Variants in CNOT6L observed in about 807,000 individuals in gnomAD.
The protein encoded by CNOT6L is CCR4-NOT transcription complex subunit 6 like.
A neutral mutation model predicts 64.0 loss-of-function variants in CNOT6L; 7 were observed. The observed-to-expected ratio is 0.11, with a 90% CI of 0.06 to 0.21. The LOEUF (loss-of-function observed/expected upper bound fraction) is 0.21, where lower values mean the gene tolerates loss of function less well. Ranked by LOEUF, CNOT6L falls within the 10% of genes least tolerant of loss-of-function variation. The pLI is 1.00. For missense variants in CNOT6L, 245 were observed against 669.0 expected (o/e 0.37, Z 6.99); for synonymous variants, 193 against 243.4 (o/e 0.79, Z 1.93).
chr4:77,731,577 A>G (rs761823946), intron 8 of CNOT6L, 39 bp from the exon 9 acceptor site: 6 of 1,380,244 alleles, frequency 4.3e-6, no homozygotes, highest in Non-Finnish European at 5.9e-6. Flanking sequence ...TACCTAGACT[A>G]TCATGCTGAA....
intron 10 of CNOT6L, among the ~76,000 whole-genome samples, chr4:77,727,031 T>C (rs1221361531): frequency 6.6e-6 from 1 of 152,166 alleles, no homozygotes; most frequent in Non-Finnish European, 1.5e-5. Context: ...ATGAAAACAG[T>C]ATCAAAACCC....
rs371143079 is a variant in CNOT6L, at chr4:77,774,670, C to T, written c.174G>A (p.Leu58=). The change falls in exon 3 of 12, where the codon TTG becomes TTA. Residue 58 remains leucine, a synonymous_variant. Coordinates refer to ENST00000504123, the MANE Select transcript of CNOT6L (RefSeq NM_144571.3). The part of the protein sequence containing the change: ...LSTSLWSLTH[L]TALHLNDNYL... ...AATTGTCATTTAGGTGCAGCGCTGT[C>T]AAGTGTGTCAATGACCAAAGTGATG... The T allele has an allele frequency of 1.9e-6, 3 of 1,612,344 alleles. No individual in the cohort carries two copies. The highest frequency in any genetic ancestry group is 2.5e-6 in the Non-Finnish European group (3 of 1,179,206).
intron 5 of CNOT6L, among the ~76,000 whole-genome samples, chr4:77,754,907 A>AAAAAAAAAAC (rs1313269967): frequency 1.4e-5 from 2 of 144,324 alleles, no homozygotes; most frequent in Non-Finnish European, 3.1e-5. Flanking sequence ...AAAAAAAAAA[A>AAAAAAAAAAC]AAAAAACCGG....
intron 1 of CNOT6L, among the ~76,000 whole-genome samples, chr4:77,777,476 G>T (rs1728278656): frequency 6.6e-6 from 1 of 152,164 alleles, no homozygotes; most frequent in Non-Finnish European, 1.5e-5. Context: ...TATGAAGTAG[G>T]TGACAAATGG....
intron 1 of CNOT6L, among the ~76,000 whole-genome samples, chr4:77,818,803 C>A (rs1733884534): frequency 6.6e-6 from 1 of 151,834 alleles, no homozygotes; most frequent in South Asian, 2.1e-4. Flanking sequence ...TGGGCGGGCG[C>A]CCAGGCAGTT....
At chr4:77,731,244 A>G in intron 9 of CNOT6L, 143 bp downstream of exon 9, 1 of 679,074 alleles carries the variant, frequency 1.5e-6, no homozygotes, top group Non-Finnish European at 2.5e-6. Context: ...CAATGGTGCT[A>G]TTTTCCTGCC....
chr4:77,742,122 C>T lies in CNOT6L; in HGVS notation c.872+19G>A. On this transcript the variant is annotated intron_variant, in intron 8 of 11. Coordinates refer to ENST00000504123, the MANE Select transcript of CNOT6L (RefSeq NM_144571.3). ...AAATAAATAAAAGTACACCATTGTGCTTTGTTTCCTTAACTTACTTTTCTG... is the reference window on the plus strand; with the variant it reads ...AAATAAATAAAAGTACACCATTGTGTTTTGTTTCCTTAACTTACTTTTCTG... 1.2e-6 allele frequency: 2 copies of T among 1,606,416 alleles called. No homozygotes were observed. Among genetic ancestry groups the T allele is most frequent in the Non-Finnish European group, 1.7e-6 (2 of 1,175,284 alleles).
chr4:77,793,431 AATTATC>A (rs1186267264), intron 1 of CNOT6L, among the ~76,000 whole-genome samples: 2 of 152,124 alleles, frequency 1.3e-5, no homozygotes, highest in Admixed American at 1.3e-4. Context: ...GAGGTGCTTT[AATTATC>A]TTTATTTTAG....
chr4:77,738,182 A>G (rs1028239812), intron 8 of CNOT6L, among the ~76,000 whole-genome samples: 1 of 152,164 alleles, frequency 6.6e-6, no homozygotes, highest in African/African-American at 2.4e-5. Context: ...TAAGTTCCCA[A>G]TCCTATGATA....
intron 1 of CNOT6L, among the ~76,000 whole-genome samples, chr4:77,810,805 C>T (rs1732847745): frequency 6.6e-6 from 1 of 152,140 alleles, no homozygotes; most frequent in African/African-American, 2.4e-5. Flanking sequence ...TCCCCCTACC[C>T]TTTCCAGCCT....
chr4:77,748,235 CTTAT>C, intron 6 of CNOT6L, 77 bp downstream of exon 6: 1 of 966,444 alleles, frequency 1.0e-6, no homozygotes, highest in East Asian at 2.4e-5. Flanking sequence ...AAAATGAAGT[CTTAT>C]TTATTACAGA....
rs1262593348 is a variant in CNOT6L at position 77,776,367 on chromosome 4, A to T, written c.31T>A (p.Tyr11Asn). The T allele has an allele frequency of 6.2e-7, 1 of 1,602,346 alleles. No individual in the cohort carries two copies. The part of the protein sequence containing the change: MRLIGMPKEK[Y>N]DPPDPRRIYT... ...ATTCTGCGAGGATCTGGAGGATCATATTTTTCCTTTGGCATCCCTATTAGT... is the reference window on the plus strand; with the variant it reads ...ATTCTGCGAGGATCTGGAGGATCATTTTTTTCCTTTGGCATCCCTATTAGT... The change falls in exon 2 of 12, where the codon TAT becomes AAT. Residue 11 changes from tyrosine (Y) to asparagine (N), a missense_variant. This residue lies in a region of CNOT6L where 78 missense variants were observed against 137.6 expected (regional missense o/e 0.57). Coordinates refer to ENST00000504123, the MANE Select transcript of CNOT6L (RefSeq NM_144571.3).
chr4:77,815,751 G>A (rs1382198341), intron 1 of CNOT6L, among the ~76,000 whole-genome samples: 4 of 152,130 alleles, frequency 2.6e-5, no homozygotes, highest in Non-Finnish European at 4.4e-5. Flanking sequence ...AGGCAATAGG[G>A]AGGACTCCAA....
At chr4:77,809,091 A>C (rs1021485991) in intron 1 of CNOT6L, among the ~76,000 whole-genome samples, 1 of 152,170 alleles carries the variant, frequency 6.6e-6, no homozygotes, top group Non-Finnish European at 1.5e-5. Context: ...TCTACGAGAT[A>C]AGGAATATTA....
Position 77,748,352 on chromosome 4 carries a change from T to C in CNOT6L, c.523A>G (p.Ile175Val). 6.2e-7 allele frequency: 1 copy of C among 1,612,886 alleles called. No individual in the cohort carries two copies. Among genetic ancestry groups the C allele is most frequent in the Non-Finnish European group, 8.5e-7 (1 of 1,179,224 alleles). The change falls in exon 6 of 12, where the codon ATT (isoleucine) becomes GTT (valine). Residue 175 changes from isoleucine (I) to valine (V), a missense_variant. Coordinates refer to ENST00000504123, the MANE Select transcript of CNOT6L (RefSeq NM_144571.3). ...HPEQLPPRPWITLKERDQILP... is the reference protein window; with the variant it reads ...HPEQLPPRPWVTLKERDQILP... The stretch of plus-strand genomic sequence containing the variant: ...ATTTGGTCTCGTTCTTTTAATGTAA[T>C]CCATGGCCTCGGAGGAAGCTGCTCT...
intron 5 of CNOT6L, among the ~76,000 whole-genome samples, chr4:77,753,191 G>GAA (rs200937180): frequency 1.1e-3 from 118 of 105,580 alleles, no homozygotes; most frequent in East Asian, 6.2e-3. Context: ...CTTCCTACCA[G>GAA]AAAAAAAAAA....
intron 1 of CNOT6L, among the ~76,000 whole-genome samples, chr4:77,818,530 G>A (rs915548734): frequency 1.3e-5 from 2 of 152,142 alleles, no homozygotes; most frequent in Non-Finnish European, 2.9e-5. Flanking sequence ...ACAGCCTTAG[G>A]GGAAGGATGA....
At chr4:77,773,425 A>T (rs939451272) in intron 3 of CNOT6L, among the ~76,000 whole-genome samples, 1 of 152,230 alleles carries the variant, frequency 6.6e-6, no homozygotes, top group African/African-American at 2.4e-5. Flanking sequence ...TAGGAACTGC[A>T]TATCATTCTC....
At chr4:77,727,070 ATCTT>A (rs1021207670) in intron 10 of CNOT6L, among the ~76,000 whole-genome samples, 15 of 152,322 alleles carry the variant, frequency 9.8e-5, no homozygotes, top group African/African-American at 3.4e-4. Flanking sequence ...TGTTAGAGTC[ATCTT>A]TCTATTTGTA....
Sources: gnomAD v4.1 joint callset for allele counts (sites outside exome capture counted in the v4.1 genomes callset) on GRCh38, gnomAD v4.1.1 for gene constraint, gnomAD v4.1.1 regional missense constraint, MANE v1.5 for transcripts, NCBI Gene and HGNC (gene_info 2026-07-23, HGNC 2026-07-21) for gene names.